UBA1: variants seen among roughly 807,000 people sequenced by gnomAD.
UBA1 encodes ubiquitin like modifier activating enzyme 1.
A neutral mutation model predicts 84.7 loss-of-function variants in UBA1; 4 were observed. That is an observed-to-expected ratio of 0.05 (90% CI 0.02 to 0.11). The LOEUF (loss-of-function observed/expected upper bound fraction) is 0.11, where lower values mean the gene tolerates loss of function less well. Among genes scored for constraint, UBA1 ranks in the 10% least tolerant of loss-of-function variants. The pLI is 1.00. For synonymous variants in UBA1, 364 were observed against 362.6 expected (o/e 1.00, Z -0.04); for missense variants, 513 against 902.8 (o/e 0.57, Z 5.53).
At position 47,202,409 on chromosome X, in the gene UBA1, G is replaced by A. The variant is rs782163690; in HGVS notation, c.961G>A (p.Ala321Thr). Residue 321 changes from alanine to threonine, a missense_variant, in exon 10 of 26, where the codon GCC becomes ACC. By Grantham distance (58) the Ala-to-Thr change is moderately conservative. Around this residue, in one of 6 missense-constraint regions of UBA1, gnomAD observed 227 missense variants for 339.1 expected, o/e 0.67. Transcript: ENST00000335972. ...ACCTGACTTTGTGGTGACGGACTTC[G>A]CCAAGTTTTCTCGCCCTGCCCAGCT... ...AEPDFVVTDF[A>T]KFSRPAQLHI... The A allele has an allele frequency of 8.3e-7, 1 of 1,209,145 alleles. No homozygotes were observed. The highest frequency in any genetic ancestry group is 1.1e-6 in the Non-Finnish European group (1 of 894,693).
chrX:47,201,707 A>G, intron 8 of UBA1, 97 bp downstream of exon 8: 2 of 998,999 alleles, frequency 2.0e-6, no homozygotes, highest in Non-Finnish European at 2.8e-6. Context: ...CCCTTGGTTC[A>G]GAGTTGGGAA....
At position 47,210,084 on chromosome X, in the gene UBA1, C is replaced by T. The variant is rs1556792923; in HGVS notation, c.2160C>T (p.Asn720=). The change falls in exon 18 of 26, where the codon AAC becomes AAT. Residue 720 remains asparagine, a synonymous_variant. Coordinates refer to ENST00000335972, the MANE Select transcript of UBA1 (RefSeq NM_003334.4). ...ACHHWHTQYS[N]NIRQLLHNFP... ...ACCACTGGCACACCCAGTACTCGAA[C>T]AACATCCGGCAGCTGCTGCACAACT... is the stretch of plus-strand genomic sequence containing the variant. The T allele has an allele frequency of 8.3e-7, 1 of 1,211,982 alleles. No individual in the cohort carries two copies. The highest frequency in any genetic ancestry group is 1.1e-6 in the Non-Finnish European group (1 of 895,611).
chrX:47,210,601 T>C (rs1204454835), intron 18 of UBA1, among the ~76,000 whole-genome samples: 1 of 112,001 alleles, frequency 8.9e-6, no homozygotes, highest in African/African-American at 3.3e-5. Context: ...GTTTGTTAAA[T>C]GATGGGCTGT....
chrX:47,202,322 C>T, intron 9 of UBA1, 36 bp from the exon 10 acceptor site: 1 of 1,209,474 alleles, frequency 8.3e-7, no homozygotes. Context: ...CTCCATTCCT[C>T]TCTTCTGGTT....
At chrX:47,195,259 T>C (rs1173214161) in intron 1 of UBA1, among the ~76,000 whole-genome samples, 1 of 110,940 alleles carries the variant, frequency 9.0e-6, no homozygotes, top group Admixed American at 9.6e-5. Flanking sequence ...TCTTTTTCTT[T>C]TTTCCGAGAC....
chrX:47,208,862 T>C (rs1556792361), intron 16 of UBA1: 1 of 110,599 alleles, frequency 9.0e-6, no homozygotes, highest in East Asian at 2.9e-4. Flanking sequence ...GGCCAAGGAG[T>C]GAGGTTTGTT....
In UBA1 at chrX:47,211,228, G is replaced by A; in HGVS notation, c.2464+3G>A. The A allele has an allele frequency of 8.3e-7, 1 of 1,207,829 alleles. No homozygotes were observed. On this transcript the variant is annotated splice_donor_region_variant and intron_variant, in intron 20 of 25. Coordinates refer to ENST00000335972, the MANE Select transcript of UBA1 (RefSeq NM_003334.4). ...GCAGAGCGCCAATGCCTCTGTTGGT[G>A]AGGGTGTTTGGCCAGTTGGCCAGGA... is the stretch of plus-strand genomic sequence containing the variant.
intron 16 of UBA1, 64 bp downstream of exon 16, chrX:47,206,508 C>T (rs1245712544): frequency 1.8e-6 from 2 of 1,120,967 alleles, no homozygotes; most frequent in African/African-American, 3.6e-5. Context: ...CTCTCCGCCC[C>T]CAGGCCCTTG....
At chrX:47,212,400 G>T (rs368243685) in intron 20 of UBA1, 24 bp from the exon 21 acceptor site, 1 of 1,145,947 alleles carries the variant, frequency 8.7e-7, no homozygotes, top group Non-Finnish European at 1.2e-6. Flanking sequence ...CTAAAGGGCT[G>T]ACAGTGTCCC....
chrX:47,209,467 G>A, intron 16 of UBA1, 156 bp from the exon 17 acceptor site: 1 of 549,369 alleles, frequency 1.8e-6, no homozygotes, highest in East Asian at 3.6e-5. Flanking sequence ...TTTTTCAATT[G>A]AGGTGGGGGA....
Position 47,206,449 on chromosome X carries a change from T to C in UBA1, c.1938+5T>C, listed in dbSNP as rs781942286. On this transcript the variant is annotated splice_donor_5th_base_variant and intron_variant, in intron 16 of 25. Coordinates refer to ENST00000335972, the MANE Select transcript of UBA1 (RefSeq NM_003334.4). ...GCCATCGAGCACACCCTGCAGGTGA[T>C]AAGCTGTGGGAGAAGGGAAAGAGGC... 8.3e-7 allele frequency: 1 copy of C among 1,211,143 alleles called. No individual in the cohort carries two copies.
upstream of UBA1, chrX:47,193,689 C>A (rs1478455409): frequency 1.8e-5 from 2 of 113,006 alleles, no homozygotes; most frequent in African/African-American, 3.2e-5. Context: ...CCAGGTGGTG[C>A]TGTTCCACTT....
In UBA1 at chrX:47,199,035, C is replaced by T. The variant is rs782007287; in HGVS notation, c.118-13C>T. 6 of 1,212,077 alleles carry T rather than the reference C, an allele frequency of 5.0e-6. No homozygotes were observed. Among genetic ancestry groups the T allele is most frequent in the Admixed American group, 2.2e-5 (1 of 46,108 alleles). On this transcript the variant is annotated splice_polypyrimidine_tract_variant and intron_variant, in intron 2 of 25. Coordinates refer to ENST00000335972, the MANE Select transcript of UBA1 (RefSeq NM_003334.4). ...TGTGTCTCCCTAAACTTGTTCTTTT[C>T]CTCTATTCCTAGGGAATGGCCAAGA...
chrX:47,213,352 G>C (rs1198283374), intron 23 of UBA1, among the ~76,000 whole-genome samples, 171 bp downstream of exon 23: 1 of 111,986 alleles, frequency 8.9e-6, no homozygotes, highest in African/African-American at 3.3e-5. Context: ...CGTGCGAAAA[G>C]ATGGGATATT....
At chrX:47,198,546 T>TA (rs1936285381) in intron 1 of UBA1, among the ~76,000 whole-genome samples, 1 of 111,591 alleles carries the variant, frequency 9.0e-6, no homozygotes, top group Admixed American at 9.5e-5. Flanking sequence ...CTCTCCCTCA[T>TA]TATGCTGGGC....
intron 1 of UBA1, chrX:47,197,692 G>A (rs1188537387): frequency 2.9e-6 from 2 of 695,106 alleles, no homozygotes; most frequent in African/African-American, 2.3e-5. Context: ...GTCCGGCAAG[G>A]ACACTAAACT....
intron 15 of UBA1, 33 bp downstream of exon 15, chrX:47,206,146 C>G: frequency 8.4e-7 from 1 of 1,187,461 alleles, no homozygotes. Context: ...TGGTCACGGG[C>G]AAAGTTGTGT....
chrX:47,193,776 T>G (rs1936103719), upstream of UBA1: 1 of 112,079 alleles, frequency 8.9e-6, no homozygotes. Context: ...TGCATCCGGG[T>G]TTCTGGGGGT....
At chrX:47,203,517 C>T in intron 13 of UBA1, 24 bp from the exon 14 acceptor site, 1 of 1,211,097 alleles carries the variant, frequency 8.3e-7, no homozygotes, top group South Asian at 1.8e-5. Context: ...CCAGCCTCTG[C>T]CTGTCTTCTT....
Sources: gnomAD v4.1 joint callset for allele counts (sites outside exome capture counted in the v4.1 genomes callset) on GRCh38, gnomAD v4.1.1 for gene constraint, gnomAD v4.1.1 regional missense constraint, MANE v1.5 for transcripts, NCBI Gene and HGNC (gene_info 2026-07-23, HGNC 2026-07-21) for gene names.